FHIP1A: variants seen among roughly 807,000 people sequenced by gnomAD.
FHIP1A encodes the protein FHF complex subunit HOOK-interacting protein 1A.
A neutral mutation model predicts 88.6 loss-of-function variants in FHIP1A; 61 were observed. The observed-to-expected ratio is 0.69, with a 90% CI of 0.56 to 0.85. The LOEUF (loss-of-function observed/expected upper bound fraction) is 0.85, where lower values mean the gene tolerates loss of function less well. Ranked by LOEUF, FHIP1A falls within the 40% of genes least tolerant of loss-of-function variation. FHIP1A has a pLI of 0.00. For synonymous variants in FHIP1A, 478 were observed against 496.0 expected, an observed-to-expected ratio of 0.96 and a Z score of 0.48; for missense variants, 1,154 against 1,273.5, an observed-to-expected ratio of 0.91 and a Z score of 1.43.
chr4:151,627,018 G>A (rs898173812), intron 7 of FHIP1A, among the ~76,000 whole-genome samples: 1 of 152,184 alleles, frequency 6.6e-6, no homozygotes, highest in African/African-American at 2.4e-5. Flanking sequence ...GACAGGAAAA[G>A]ATTTTCTGGT....
chr4:151,462,513 C>A (rs1368766965), intron 2 of FHIP1A, among the ~76,000 whole-genome samples: 1 of 152,102 alleles, frequency 6.6e-6, no homozygotes, highest in Non-Finnish European at 1.5e-5. Flanking sequence ...AAGAAGGATT[C>A]ATAGTATGTT....
chr4:151,563,566 C>T (rs1733256937), intron 3 of FHIP1A, among the ~76,000 whole-genome samples: 1 of 152,188 alleles, frequency 6.6e-6, no homozygotes, highest in Non-Finnish European at 1.5e-5. Context: ...ATATTCATGA[C>T]AGACTCATAT....
intron 4 of FHIP1A, among the ~76,000 whole-genome samples, chr4:151,568,373 C>T (rs1439168330): frequency 6.6e-6 from 1 of 152,174 alleles, no homozygotes; most frequent in Non-Finnish European, 1.5e-5. Flanking sequence ...TCAGCCATTT[C>T]TTTACCTTTG....
intron 4 of FHIP1A, among the ~76,000 whole-genome samples, chr4:151,575,837 C>T (rs920641073): frequency 6.6e-5 from 10 of 152,190 alleles, no homozygotes; most frequent in African/African-American, 2.2e-4. Context: ...ATGCATTATC[C>T]CTTTGCCAGC....
chr4:151,596,583 G>A (rs1734658393), intron 7 of FHIP1A, among the ~76,000 whole-genome samples: 1 of 152,092 alleles, frequency 6.6e-6, no homozygotes, highest in Admixed American at 6.6e-5. Context: ...TGCTAGGCTG[G>A]GGATGTTCAT....
intron 1 of FHIP1A, among the ~76,000 whole-genome samples, chr4:151,424,421 C>G (rs1733289136): frequency 6.6e-6 from 1 of 152,054 alleles, no homozygotes; most frequent in South Asian, 2.1e-4. Context: ...CTTGAGCTGG[C>G]TGTAGGGAGA....
chr4:151,562,135 G>C (rs570035068), intron 3 of FHIP1A, among the ~76,000 whole-genome samples: 1 of 152,276 alleles, frequency 6.6e-6, no homozygotes, highest in East Asian at 1.9e-4. Context: ...CAGGTTCCCA[G>C]GTTGGGACTT....
intron 7 of FHIP1A, among the ~76,000 whole-genome samples, chr4:151,609,464 C>T (rs955946965): frequency 6.6e-6 from 1 of 152,122 alleles, no homozygotes; most frequent in Non-Finnish European, 1.5e-5. Flanking sequence ...CATTATTTAT[C>T]CCAGAGCTAT....
chr4:151,598,254 C>T (rs1203701161), intron 7 of FHIP1A, among the ~76,000 whole-genome samples: 1 of 152,178 alleles, frequency 6.6e-6, no homozygotes, highest in East Asian at 1.9e-4. Context: ...CCTCACGGCA[C>T]AGTCCCTCAC....
chr4:151,552,417 G>C (rs1209796440), intron 3 of FHIP1A, among the ~76,000 whole-genome samples: 1 of 152,096 alleles, frequency 6.6e-6, no homozygotes, highest in Non-Finnish European at 1.5e-5. Context: ...CAAAGACTTG[G>C]AACCAACCCA....
At chr4:151,479,585 T>TTGGTTAATTATCCTCCAGGA (rs1207963196) in intron 2 of FHIP1A, among the ~76,000 whole-genome samples, 4 of 152,110 alleles carry the variant, frequency 2.6e-5, no homozygotes, top group Non-Finnish European at 5.9e-5. Flanking sequence ...CGTTGGTTGG[T>TTGGTTAATTATCCTCCAGGA]TGGTTAATTA....
At chr4:151,413,549 G>A (rs1732760918) in intron 1 of FHIP1A, among the ~76,000 whole-genome samples, 1 of 152,104 alleles carries the variant, frequency 6.6e-6, no homozygotes, top group East Asian at 1.9e-4. Context: ...TCGCCTCTTG[G>A]GTTCAAGCCA....
rs1219717268 is a variant in FHIP1A at position 151,415,344 on chromosome 4, G to A, written c.-356+5879G>A. ...TAGGACTACAGGTGTGCATCACCAT[G>A]TCTGGCTAATTCTTGTATTTTTAGG... On this transcript the variant is annotated intron_variant, in intron 1 of 13. Coordinates refer to ENST00000435205, the MANE Select transcript of FHIP1A (RefSeq NM_001109977.3). Among the ~76,000 whole-genome samples the A allele has an allele frequency of 4.0e-5, 6 of 151,754 alleles. No individual in the cohort carries two copies. The East Asian group carries it at 1.2e-3, about 29-fold the overall frequency.
At chr4:151,426,244 A>G (rs964800333) in intron 1 of FHIP1A, among the ~76,000 whole-genome samples, 1 of 152,160 alleles carries the variant, frequency 6.6e-6, no homozygotes, top group African/African-American at 2.4e-5. Flanking sequence ...TTTCCATAAT[A>G]AAAAACAACA....
intron 2 of FHIP1A, among the ~76,000 whole-genome samples, chr4:151,478,169 C>A (rs969499542): frequency 6.6e-6 from 1 of 151,998 alleles, no homozygotes; most frequent in Non-Finnish European, 1.5e-5. Flanking sequence ...CGAAAATGTT[C>A]GACCATAAAA....
At chr4:151,629,032 C>T (rs1731937302) in intron 7 of FHIP1A, among the ~76,000 whole-genome samples, 1 of 152,124 alleles carries the variant, frequency 6.6e-6, no homozygotes, top group South Asian at 2.1e-4. Context: ...CACCAGGTAG[C>T]ATATATTAAT....
chr4:151,550,179 T>C (rs1470285152), intron 3 of FHIP1A, among the ~76,000 whole-genome samples: 2 of 152,160 alleles, frequency 1.3e-5, no homozygotes, highest in East Asian at 3.9e-4. Flanking sequence ...CAATGTAAAA[T>C]AATCACATAA....
chr4:151,577,892 T>C lies in FHIP1A; in HGVS notation c.548T>C (p.Phe183Ser). 6.4e-7 allele frequency: 1 copy of C among 1,551,842 alleles called. No individual in the cohort carries two copies. The highest frequency in any genetic ancestry group is 1.2e-5 in the South Asian group (1 of 84,038). ...AAAGATCCATCCATTTTAGAACTCT[T>C]CTTCCACACTAGTGAAGACCAAGGC... ...LAKDPSILEL[F>S]FHTSEDQGAA... is the part of the protein sequence containing the mutation. Residue 183 changes from phenylalanine (F) to serine (S), a missense_variant, in exon 5 of 14, where the codon TTC becomes TCC. Phe to Ser is a radical substitution (Grantham distance 155, BLOSUM62 -2). Transcript: ENST00000435205.
At chr4:151,643,147 T>C (rs1202467873) in intron 9 of FHIP1A, among the ~76,000 whole-genome samples, 1 of 152,162 alleles carries the variant, frequency 6.6e-6, no homozygotes. Flanking sequence ...TGACAGCCAA[T>C]TCATTTTCAT....
Sources: gnomAD v4.1 joint callset for allele counts (sites outside exome capture counted in the v4.1 genomes callset) on GRCh38, gnomAD v4.1.1 for gene constraint, MANE v1.5 for transcripts, NCBI Gene and HGNC (gene_info 2026-07-23, HGNC 2026-07-21) for gene names.